The following HDAC9 variants were observed in gnomAD, a reference collection of about 807,000 sequenced individuals.
The protein encoded by HDAC9 is histone deacetylase 9.
In HDAC9, 41 loss-of-function variants were observed where a neutral mutation model predicts 139.4. The ratio of observed to expected loss-of-function variants is 0.29; its 90% confidence interval spans 0.23 to 0.38. The LOEUF (loss-of-function observed/expected upper bound fraction) is 0.38, where lower values mean the gene tolerates loss of function less well. Ranked by LOEUF, HDAC9 falls within the 10% of genes least tolerant of loss-of-function variation. HDAC9 has a pLI of 1.00. For missense variants in HDAC9, 1,147 were observed against 1,297.0 expected (o/e 0.88, Z 1.78); for synonymous variants, 517 against 476.2 (o/e 1.09, Z -1.12).
intron 1 of HDAC9, among the ~76,000 whole-genome samples, chr7:18,112,508 A>T (rs1210290436): frequency 6.6e-6 from 1 of 152,240 alleles, no homozygotes; most frequent in African/African-American, 2.4e-5. Context: ...AAGTTCCGAT[A>T]TACACAGTCA....
At chr7:18,122,117 G>A (rs1390103053) in intron 1 of HDAC9, among the ~76,000 whole-genome samples, 2 of 152,170 alleles carry the variant, frequency 1.3e-5, no homozygotes, top group East Asian at 3.9e-4. Flanking sequence ...AGCCCCCATA[G>A]CATTCAATCA....
intron 2 of HDAC9, among the ~76,000 whole-genome samples, chr7:18,507,316 G>A (rs1395303594): frequency 6.7e-6 from 1 of 149,712 alleles, no homozygotes; most frequent in Non-Finnish European, 1.5e-5. Context: ...TCAGCCTCCC[G>A]AGTAGCTGGA....
intron 1 of HDAC9, among the ~76,000 whole-genome samples, chr7:18,344,585 C>A (rs1328958373): frequency 6.6e-6 from 1 of 151,912 alleles, no homozygotes; most frequent in Non-Finnish European, 1.5e-5. Context: ...GTCTTAAAAT[C>A]ATTTTTCTTT....
intron 16 of HDAC9, among the ~76,000 whole-genome samples, chr7:18,777,202 G>A (rs1012512520): frequency 6.6e-6 from 1 of 151,956 alleles, no homozygotes; most frequent in African/African-American, 2.4e-5. Flanking sequence ...GTGCTTTGGG[G>A]TTCCAAGTCC....
intron 12 of HDAC9, among the ~76,000 whole-genome samples, chr7:18,684,190 G>T (rs1274638967): frequency 6.6e-6 from 1 of 151,582 alleles, no homozygotes; most frequent in Admixed American, 6.6e-5. Context: ...CCTGGAGGCG[G>T]AGATTGCAGT....
intron 13 of HDAC9, among the ~76,000 whole-genome samples, chr7:18,731,773 G>A (rs1225170818): frequency 1.3e-5 from 2 of 151,984 alleles, no homozygotes; most frequent in African/African-American, 4.8e-5. Context: ...TTACAGTCAT[G>A]CACCACCACA....
chr7:18,205,144 G>T (rs937219401), intron 2 of HDAC9, among the ~76,000 whole-genome samples: 4 of 151,848 alleles, frequency 2.6e-5, no homozygotes, highest in African/African-American at 7.3e-5. Flanking sequence ...AGTTATGTCA[G>T]CCTCATTGAT....
chr7:18,568,215 T>G (rs1823107146), intron 2 of HDAC9, among the ~76,000 whole-genome samples: 1 of 151,982 alleles, frequency 6.6e-6, no homozygotes, highest in South Asian at 2.1e-4. Flanking sequence ...AGAGATAATT[T>G]AGGAGAACAC....
chr7:18,239,779 G>A (rs539310285), intron 2 of HDAC9, among the ~76,000 whole-genome samples: 15 of 152,036 alleles, frequency 9.9e-5, no homozygotes, highest in African/African-American at 3.6e-4. Flanking sequence ...AATGACTTTT[G>A]GGAACAGTTA....
chr7:18,656,757 A>G lies in HDAC9; in HGVS notation c.1467+8074A>G, dbSNP rs139358935. ...TGCTGTGACAAACATAGGAGTGCAG[A>G]TATCTCTTTGATATACTGATTTCCT... On this transcript the variant is annotated intron_variant, in intron 11 of 25. Transcript: ENST00000686413. 1.5e-3 allele frequency among the ~76,000 whole-genome samples: 224 copies of G among 152,252 alleles called. 1 individual carries two copies. The highest frequency in any genetic ancestry group is 5.3e-3 in the African/African-American group (219 of 41,576).
In HDAC9 at chr7:18,559,508, C is replaced by T. The variant is rs112030599; in HGVS notation, c.23-25773C>T. 1.8e-3 allele frequency among the ~76,000 whole-genome samples: 278 copies of T among 152,310 alleles called. 1 individual carries two copies. Among genetic ancestry groups the T allele is most frequent in the Non-Finnish European group, 2.4e-3 (160 of 68,030 alleles). ...AGGGACAAGCAAGCCTGAACCATCCCTGAGGAGGAGGGGGTAGGGACATGG... is the reference window on the plus strand; with the variant it reads ...AGGGACAAGCAAGCCTGAACCATCCTTGAGGAGGAGGGGGTAGGGACATGG... On this transcript the variant is annotated intron_variant, in intron 2 of 25. Transcript: ENST00000686413.
intron 1 of HDAC9, among the ~76,000 whole-genome samples, chr7:18,360,407 A>G (rs1783682923): frequency 1.3e-5 from 2 of 152,262 alleles, no homozygotes; most frequent in Non-Finnish European, 2.9e-5. Context: ...TCCTTTTTCT[A>G]GAAACATGCA....
Position 18,562,613 on chromosome 7 carries a change from C to T in HDAC9, c.23-22668C>T, listed in dbSNP as rs6959575. On this transcript the variant is annotated intron_variant, in intron 2 of 25. Transcript: ENST00000686413. Reference sequence around the variant, plus strand: ...CTAATTTCTATACCATTCATCTGTACATCTGTCCTTCTGCCAGTACTTCTT... The same window carrying T: ...CTAATTTCTATACCATTCATCTGTATATCTGTCCTTCTGCCAGTACTTCTT... 1.0e-3 allele frequency among the ~76,000 whole-genome samples: 158 copies of T among 152,270 alleles called. 2 individuals are homozygous for T. The highest frequency in any genetic ancestry group is 1.9e-3 in the Non-Finnish European group (128 of 67,982).
chr7:18,210,011 CTTT>C (rs34805942), intron 2 of HDAC9, among the ~76,000 whole-genome samples: 1 of 146,794 alleles, frequency 6.8e-6, no homozygotes, highest in Non-Finnish European at 1.5e-5. Flanking sequence ...AGAGAAGGTA[CTTT>C]TTTTTTTTTT....
intron 2 of HDAC9, among the ~76,000 whole-genome samples, chr7:18,165,260 G>C (rs1041883656): frequency 2.0e-4 from 31 of 152,182 alleles, no homozygotes; most frequent in Non-Finnish European, 3.4e-4. Flanking sequence ...CCCTGAAAGA[G>C]TATCGTGTGG....
chr7:18,456,394 C>T (rs977336898), intron 1 of HDAC9, among the ~76,000 whole-genome samples: 3 of 152,068 alleles, frequency 2.0e-5, no homozygotes, highest in African/African-American at 7.2e-5. Flanking sequence ...TGCCACCATG[C>T]CTGGCTAATT....
chr7:18,944,092 A>T (rs1216931170), intron 23 of HDAC9, among the ~76,000 whole-genome samples: 1 of 152,208 alleles, frequency 6.6e-6, no homozygotes, highest in Non-Finnish European at 1.5e-5. Flanking sequence ...CAAATTAAAC[A>T]TACACAACTA....
intron 22 of HDAC9, among the ~76,000 whole-genome samples, chr7:18,880,856 A>G (rs754892928): frequency 2.0e-5 from 3 of 146,836 alleles, no homozygotes; most frequent in African/African-American, 5.0e-5. Context: ...GGGGGGGGGA[A>G]CCAAATAACA....
chr7:18,997,927 A>G lies in HDAC9; in HGVS notation c.*1865A>G, dbSNP rs1786556794. The G allele has an allele frequency of 6.6e-6, 1 of 152,210 alleles. No homozygotes were observed. The allele number at this position is 152,210 out of a possible 1,614,324, so 9.4% of individuals were successfully genotyped here. On this transcript the variant is annotated 3_prime_UTR_variant, in exon 26 of 26. Transcript: ENST00000686413. ...CTGAAATGGAATGTAACTTAGTATT[A>G]GGTAAAAATTGCTTTCATTGCGTAA...
Sources: allele counts gnomAD v4.1 joint callset (sites outside exome capture counted in the v4.1 genomes callset), GRCh38; gene constraint gnomAD v4.1.1; transcripts MANE v1.5; gene names NCBI Gene and HGNC (gene_info 2026-07-23, HGNC 2026-07-21).